The following SLX9 variants were observed in gnomAD, a reference collection of about 807,000 sequenced individuals.
SLX9 encodes SLX9 ribosome biogenesis factor, also known as ribosome biogenesis protein SLX9 homolog.
In SLX9, 19 loss-of-function variants were observed where a neutral mutation model predicts 20.8. The ratio of observed to expected loss-of-function variants is 0.91; its 90% CI spans 0.64 to 1.34. SLX9 has a LOEUF of 1.34. Among genes scored for constraint, SLX9 ranks in the 40% most tolerant of loss-of-function variants. SLX9 has a pLI of 0.00. For synonymous variants in SLX9, 113 were observed against 137.1 expected (o/e 0.82, Z 1.23); for missense variants, 299 against 322.2 (o/e 0.93, Z 0.55).
At chr21:44,952,214 A>T (rs1036853826) in intron 2 of SLX9, among the ~76,000 whole-genome samples, 1 of 152,198 alleles carries the variant, frequency 6.6e-6, no homozygotes, top group African/African-American at 2.4e-5. Flanking sequence ...TGGGCCGTGC[A>T]AGTCTGGATC....
intron 4 of SLX9, among the ~76,000 whole-genome samples, chr21:44,968,513 C>T (rs971516465): frequency 3.3e-5 from 5 of 152,230 alleles, no homozygotes; most frequent in Non-Finnish European, 5.9e-5. Flanking sequence ...CCTGTGGCGC[C>T]CGTCTCCCAG....
intron 2 of SLX9, among the ~76,000 whole-genome samples, chr21:44,955,369 A>T (rs2084837739): frequency 1.3e-5 from 2 of 152,170 alleles, no homozygotes; most frequent in South Asian, 4.1e-4. Context: ...CAGCGCTCCG[A>T]GGGAAAGCTG....
chr21:44,963,768 T>C (rs979892747), intron 3 of SLX9, among the ~76,000 whole-genome samples: 1 of 152,244 alleles, frequency 6.6e-6, no homozygotes, highest in East Asian at 1.9e-4. Flanking sequence ...ATTGATCTAT[T>C]TGTTGTACCT....
chr21:44,950,100 A>ATT (rs142870585), intron 2 of SLX9, among the ~76,000 whole-genome samples: 1 of 146,310 alleles, frequency 6.8e-6, no homozygotes, highest in Non-Finnish European at 1.5e-5. Context: ...GTCTTCAGGG[A>ATT]TTTTTTTTTT....
At chr21:44,947,934 G>A (rs1046190170) in intron 2 of SLX9, among the ~76,000 whole-genome samples, 2 of 152,252 alleles carry the variant, frequency 1.3e-5, no homozygotes, top group African/African-American at 4.8e-5. Context: ...GCTCCTCCAT[G>A]TCCGCTCTGG....
chr21:44,949,188 C>G (rs2084705746), intron 2 of SLX9, among the ~76,000 whole-genome samples: 1 of 152,208 alleles, frequency 6.6e-6, no homozygotes, highest in Non-Finnish European at 1.5e-5. Flanking sequence ...CGAGCCCCGA[C>G]TTGGCTGCTG....
intron 2 of SLX9, among the ~76,000 whole-genome samples, chr21:44,952,878 A>G (rs1167816612): frequency 6.6e-6 from 1 of 152,220 alleles, no homozygotes; most frequent in African/African-American, 2.4e-5. Context: ...TGCTGAGGCC[A>G]TCTGCACGTC....
At chr21:44,954,461 C>T (rs1235660274) in intron 2 of SLX9, among the ~76,000 whole-genome samples, 3 of 152,312 alleles carry the variant, frequency 2.0e-5, no homozygotes, top group Non-Finnish European at 2.9e-5. Context: ...CTGCCCGATG[C>T]AGCACTTTGG....
intron 4 of SLX9, among the ~76,000 whole-genome samples, chr21:44,968,445 C>T (rs947805524): frequency 2.0e-5 from 3 of 152,384 alleles, no homozygotes; most frequent in Admixed American, 6.5e-5. Context: ...AGGAGGGCAG[C>T]GGCTGCATGA....
At chr21:44,970,112 G>A (rs1374038496) in intron 4 of SLX9, among the ~76,000 whole-genome samples, 1 of 152,210 alleles carries the variant, frequency 6.6e-6, no homozygotes, top group Non-Finnish European at 1.5e-5. Context: ...CCCCCTCCAT[G>A]CTGTCCGCTT....
intron 2 of SLX9, among the ~76,000 whole-genome samples, chr21:44,948,013 C>T (rs1343348991): frequency 1.3e-5 from 2 of 152,038 alleles, no homozygotes; most frequent in Non-Finnish European, 1.5e-5. Context: ...AACGCAGTGC[C>T]ACCTGCTGTG....
At chr21:44,974,895 C>G (rs929798403) in intron 5 of SLX9, among the ~76,000 whole-genome samples, 1 of 152,214 alleles carries the variant, frequency 6.6e-6, no homozygotes, top group Non-Finnish European at 1.5e-5. Flanking sequence ...CCCTCCCTGC[C>G]TGGACAGGGC....
intron 1 of SLX9, among the ~76,000 whole-genome samples, chr21:44,942,068 A>T (rs73906955): frequency 6.6e-6 from 1 of 152,238 alleles, no homozygotes; most frequent in Non-Finnish European, 1.5e-5. Context: ...GTCTTGGCTC[A>T]TTGAAACCTG....
At chr21:44,959,938 C>T (rs1308160647) in intron 2 of SLX9, among the ~76,000 whole-genome samples, 162 bp from the exon 3 acceptor site, 1 of 152,164 alleles carries the variant, frequency 6.6e-6, no homozygotes, top group African/African-American at 2.4e-5. Context: ...CTGCAGGTGC[C>T]CCTGGTGCTG....
chr21:44,972,634 C>T (rs2085172649), intron 4 of SLX9, among the ~76,000 whole-genome samples: 1 of 152,212 alleles, frequency 6.6e-6, no homozygotes, highest in African/African-American at 2.4e-5. Flanking sequence ...ATCAGGAGGG[C>T]AGGTGCAGCT....
chr21:44,973,156 G>C lies in SLX9; in HGVS notation c.501-41G>C, dbSNP rs138605768. On this transcript the variant is annotated intron_variant, in intron 4 of 5. Coordinates refer to ENST00000291634, the MANE Select transcript of SLX9 (RefSeq NM_058190.4). ...TCTGCCCACGGGAAGGTGTTTAGGG[G>C]ATGCTGGATGCTGACTCACGTGGCT... The C allele has an allele frequency of 5.0e-6, 8 of 1,611,106 alleles. No homozygotes were observed. In the East Asian group the frequency reaches 1.6e-4, roughly 31 times the overall value.
At chr21:44,974,651 C>T (rs62214518) in intron 5 of SLX9, among the ~76,000 whole-genome samples, 21,205 of 152,232 alleles carry the variant, frequency 0.14, 1,598 homozygotes, top group African/African-American at 0.18. Context: ...CTGCAGCCTC[C>T]GCCTCCTGGG....
intron 4 of SLX9, among the ~76,000 whole-genome samples, chr21:44,971,360 C>T (rs544377723): frequency 2.2e-4 from 29 of 129,006 alleles, no homozygotes; most frequent in African/African-American, 8.2e-4. Flanking sequence ...ACTCTGTCCC[C>T]GGGGCCCTGA....
chr21:44,973,393 G>C, intron 5 of SLX9, 128 bp downstream of exon 5: 1 of 595,010 alleles, frequency 1.7e-6, no homozygotes, highest in South Asian at 1.9e-5. Context: ...CAGCTCCTGA[G>C]TGCCCTCACC....
Sources: allele counts gnomAD v4.1 joint callset (sites outside exome capture counted in the v4.1 genomes callset), GRCh38; gene constraint gnomAD v4.1.1; transcripts MANE v1.5; gene names NCBI Gene and HGNC (gene_info 2026-07-23, HGNC 2026-07-21).